Variants in TENM3 observed in about 807,000 individuals in gnomAD.
TENM3 encodes teneurin transmembrane protein 3.
TENM3 carries 63 observed loss-of-function variants against 255.1 expected under a neutral mutation model. The observed-to-expected ratio is 0.25, with a 90% confidence interval of 0.20 to 0.30. TENM3 has a LOEUF of 0.30. TENM3 is among the 10% of genes least tolerant of loss of function. The probability of loss-of-function intolerance (pLI) is 1.00; values close to 1 mark genes in which losing one functional copy is unlikely to be tolerated. For synonymous variants in TENM3, 1,306 were observed against 1,322.3 expected (o/e 0.99, Z 0.27); for missense variants, 2,929 against 3,461.1 (o/e 0.85, Z 3.86).
intron 1 of TENM3, among the ~76,000 whole-genome samples, chr4:182,252,381 C>T (rs2150121950): frequency 6.6e-6 from 1 of 152,098 alleles, no homozygotes; most frequent in African/African-American, 2.4e-5. Flanking sequence ...GTAGAAATTG[C>T]TTTCATGGAG....
intron 3 of TENM3, among the ~76,000 whole-genome samples, chr4:182,547,623 C>T (rs1045188897): frequency 3.9e-5 from 6 of 152,106 alleles, no homozygotes; most frequent in East Asian, 1.9e-4. Context: ...TGTGGCCAAA[C>T]GCTAAGCACA....
the TENM3 span, among the ~76,000 whole-genome samples, chr4:181,652,065 C>T: frequency 4.0e-5 from 6 of 148,406 alleles, no homozygotes; most frequent in Admixed American, 2.8e-4. Context: ...GCATGCATTT[C>T]GTTGTTCTGT....
chr4:182,635,367 A>G (rs1257106013), intron 5 of TENM3, among the ~76,000 whole-genome samples: 3 of 152,172 alleles, frequency 2.0e-5, no homozygotes, highest in African/African-American at 4.8e-5. Context: ...TGCAGCTACC[A>G]TACAGAACAT....
intron 18 of TENM3, among the ~76,000 whole-genome samples, chr4:182,742,884 T>A (rs924094087): frequency 6.6e-6 from 1 of 152,204 alleles, no homozygotes; most frequent in African/African-American, 2.4e-5. Context: ...TCATCACTGA[T>A]GTTGAGAATT....
intron 3 of TENM3, among the ~76,000 whole-genome samples, chr4:182,434,128 A>G (rs55926986): frequency 0.08 from 12,055 of 151,444 alleles, 735 homozygotes; most frequent in East Asian, 0.17. Context: ...AAAAAAAAAA[A>G]AGGTAGAGTA....
chr4:182,268,031 C>A (rs1281075632), intron 1 of TENM3, among the ~76,000 whole-genome samples: 2 of 152,170 alleles, frequency 1.3e-5, no homozygotes, highest in Non-Finnish European at 2.9e-5. Context: ...GATCAGTATT[C>A]TCATTCTGGG....
the TENM3 span, among the ~76,000 whole-genome samples, chr4:182,054,163 T>C: frequency 1.3e-5 from 2 of 152,318 alleles, no homozygotes; most frequent in Middle Eastern, 3.4e-3. Flanking sequence ...ACCGTCTTGG[T>C]GACACCATAC....
chr4:182,731,049 C>T lies in TENM3; in HGVS notation c.2877C>T (p.Phe959=), dbSNP rs756626661. Residue 959 remains phenylalanine (F), a synonymous_variant, in exon 16 of 28, where the codon TTC becomes TTT. Coordinates refer to ENST00000511685, the MANE Select transcript of TENM3 (RefSeq NM_001080477.4). ...NDIPSCDLSG[F]VRPNPIIVSS... Reference sequence around the variant, plus strand: ...TTCCCAGCTGTGATCTGAGTGGATTCGTGAGGCCAAATCCCATCATTGTGT... The same window carrying T: ...TTCCCAGCTGTGATCTGAGTGGATTTGTGAGGCCAAATCCCATCATTGTGT... 44 of 1,613,672 alleles carry T rather than the reference C, an allele frequency of 2.7e-5. 1 individual carries two copies. In the Middle Eastern group the frequency reaches 6.6e-4, roughly 24 times the overall value.
At chr4:182,255,168 T>G (rs184337122) in intron 1 of TENM3, among the ~76,000 whole-genome samples, 1 of 152,184 alleles carries the variant, frequency 6.6e-6, no homozygotes, top group African/African-American at 2.4e-5. Context: ...GACAGCCCTG[T>G]GGGACCCTGT....
intron 1 of TENM3, among the ~76,000 whole-genome samples, chr4:182,282,977 T>C (rs1267969138): frequency 6.6e-6 from 1 of 152,110 alleles, no homozygotes; most frequent in African/African-American, 2.4e-5. Context: ...TGAACTATTA[T>C]TTTAAATAAG....
the TENM3 span, among the ~76,000 whole-genome samples, chr4:181,621,606 T>C: frequency 1.3e-5 from 2 of 152,144 alleles, no homozygotes; most frequent in African/African-American, 2.4e-5. Flanking sequence ...ACAATTTCTG[T>C]CCAGGGTCTC....
At chr4:182,183,457 C>T (rs769734264) in intron 1 of TENM3, among the ~76,000 whole-genome samples, 6 of 152,104 alleles carry the variant, frequency 3.9e-5, no homozygotes, top group East Asian at 3.9e-4. Flanking sequence ...ATGATTCATT[C>T]GTATGCAGTT....
chr4:182,609,022 T>C lies in TENM3; in HGVS notation c.749+7861T>C, dbSNP rs971608. Among the ~76,000 whole-genome samples, 661 of 152,218 alleles carry C rather than the reference T, an allele frequency of 4.3e-3. 2 individuals are homozygous for C. Among genetic ancestry groups the C allele is most frequent in the African/African-American group, 0.015 (638 of 41,550 alleles). On this transcript the variant is annotated intron_variant, in intron 4 of 27. Coordinates refer to ENST00000511685, the MANE Select transcript of TENM3 (RefSeq NM_001080477.4). ...TGGAGGGACTGGAGGGTATGGCCCA[T>C]GCTCTTGCTTGCAGGCTGGTGGGAC...
intron 1 of TENM3, among the ~76,000 whole-genome samples, chr4:182,308,473 C>T (rs987208003): frequency 1.3e-5 from 2 of 152,028 alleles, no homozygotes; most frequent in East Asian, 3.9e-4. Flanking sequence ...GTATGTGCCA[C>T]CGTGACTGGC....
At chr4:182,755,506 C>T (rs1183659118) in intron 22 of TENM3, among the ~76,000 whole-genome samples, 2 of 151,918 alleles carry the variant, frequency 1.3e-5, no homozygotes, top group Non-Finnish European at 1.5e-5. Flanking sequence ...TGTGCCACTG[C>T]ACTCCAGGCT....
At chr4:181,698,018 G>T in the TENM3 span, among the ~76,000 whole-genome samples, 1 of 151,814 alleles carries the variant, frequency 6.6e-6, no homozygotes, top group East Asian at 2.0e-4. Context: ...TTTGAGACCG[G>T]CCTGGCCACC....
chr4:182,223,428 G>A (rs775808549), intron 1 of TENM3, among the ~76,000 whole-genome samples: 6 of 152,016 alleles, frequency 3.9e-5, no homozygotes, highest in Non-Finnish European at 8.8e-5. Flanking sequence ...TTTGCTAAAA[G>A]TGACAAGAAC....
At chr4:182,080,962 G>C in the TENM3 span, among the ~76,000 whole-genome samples, 1 of 152,094 alleles carries the variant, frequency 6.6e-6, no homozygotes, top group Non-Finnish European at 1.5e-5. Flanking sequence ...CTGCACTCCA[G>C]CCTGGGTGAC....
the TENM3 span, among the ~76,000 whole-genome samples, chr4:182,059,745 CAAAAAAAAAAAAAAAAAGAAA>C: frequency 4.6e-5 from 2 of 43,186 alleles, no homozygotes; most frequent in African/African-American, 1.9e-4. Flanking sequence ...TCTGTCTCTA[CAAAAAAAAAAAAAAAAAGAAA>C]AAAAAAAAAA....
Sources: allele counts gnomAD v4.1 joint callset (sites outside exome capture counted in the v4.1 genomes callset), GRCh38; gene constraint gnomAD v4.1.1; transcripts MANE v1.5; gene names NCBI Gene and HGNC (gene_info 2026-07-23, HGNC 2026-07-21).